Variants in NFIA observed in about 807,000 individuals in gnomAD.
The protein encoded by NFIA is nuclear factor I A.
NFIA carries 8 observed loss-of-function variants against 62.8 expected under a neutral mutation model. The ratio of observed to expected loss-of-function variants is 0.13; its 90% CI spans 0.07 to 0.23. The LOEUF (loss-of-function observed/expected upper bound fraction) is 0.23. Ranked by LOEUF, NFIA falls within the 10% of genes least tolerant of loss-of-function variation. The probability of loss-of-function intolerance (pLI) is 1.00; values close to 1 mark genes in which losing one functional copy is unlikely to be tolerated. For synonymous variants in NFIA, 235 were observed against 238.1 expected (o/e 0.99, Z 0.12); for missense variants, 410 against 642.1 (o/e 0.64, Z 3.91).
At chr1:61,087,611 G>A (rs1646241279) in intron 1 of NFIA, among the ~76,000 whole-genome samples, 1 of 152,126 alleles carries the variant, frequency 6.6e-6, no homozygotes, top group Non-Finnish European at 1.5e-5. Flanking sequence ...GAATCTACAT[G>A]CAATATTTTT....
chr1:61,417,498 A>G (rs563720259), intron 9 of NFIA, among the ~76,000 whole-genome samples: 1 of 151,564 alleles, frequency 6.6e-6, no homozygotes, highest in Admixed American at 6.6e-5. Context: ...TTTGTCCCCA[A>G]CTCTAATAAT....
At chr1:61,208,212 C>CTTGTT (rs1653022797) in intron 2 of NFIA, among the ~76,000 whole-genome samples, 1 of 151,988 alleles carries the variant, frequency 6.6e-6, no homozygotes, top group Non-Finnish European at 1.5e-5. Flanking sequence ...TGATTGAACT[C>CTTGTT]TTGTTTTTGT....
chr1:61,406,785 A>G (rs1047048466), intron 9 of NFIA, 58 bp downstream of exon 9: 6 of 1,482,804 alleles, frequency 4.0e-6, no homozygotes, highest in Non-Finnish European at 5.4e-6. Context: ...ACTGGAATCC[A>G]CACTTAGGCT....
At chr1:61,099,992 C>G (rs1466178777) in intron 2 of NFIA, among the ~76,000 whole-genome samples, 2 of 152,116 alleles carry the variant, frequency 1.3e-5, no homozygotes, top group African/African-American at 4.8e-5. Context: ...GTTTTTATCT[C>G]TAAGATGATC....
At chr1:61,301,727 T>C (rs1659505418) in intron 3 of NFIA, among the ~76,000 whole-genome samples, 1 of 152,206 alleles carries the variant, frequency 6.6e-6, no homozygotes, top group Non-Finnish European at 1.5e-5. Context: ...GCAGAGCCTT[T>C]TTTAAGAGAG....
In NFIA at chr1:61,240,507, C is replaced by T. The variant is rs184668620; in HGVS notation, c.560-37013C>T. The stretch of plus-strand genomic sequence containing the variant: ...TCATTTAGACTTTTTTTTCCACAAA[C>T]CGTACACAATGGGGTCTTTTTTTTA... On this transcript the variant is annotated intron_variant, in intron 2 of 10. Coordinates refer to ENST00000403491, the MANE Select transcript of NFIA (RefSeq NM_001134673.4). 2.2e-3 allele frequency among the ~76,000 whole-genome samples: 340 copies of T among 151,866 alleles called. 3 individuals carry two copies. The highest frequency in any genetic ancestry group is 4.0e-3 in the Non-Finnish European group (274 of 67,936).
chr1:61,131,619 C>G (rs1217237596), intron 2 of NFIA, among the ~76,000 whole-genome samples: 1 of 151,696 alleles, frequency 6.6e-6, no homozygotes. Context: ...TATTTTATCA[C>G]TAAATGCTTA....
intron 10 of NFIA, among the ~76,000 whole-genome samples, chr1:61,447,300 C>T (rs1667854846): frequency 6.6e-6 from 1 of 152,136 alleles, no homozygotes; most frequent in African/African-American, 2.4e-5. Context: ...GCTAACTTCC[C>T]ATATGGAAAA....
intron 3 of NFIA, among the ~76,000 whole-genome samples, chr1:61,280,382 TGAA>T (rs1341715277): frequency 1.3e-5 from 2 of 152,248 alleles, no homozygotes; most frequent in Non-Finnish European, 2.9e-5. Context: ...TCTTGCTGAT[TGAA>T]GAAGTAACAG....
intron 4 of NFIA, among the ~76,000 whole-genome samples, chr1:61,339,038 G>A (rs955427191): frequency 2.6e-5 from 4 of 152,166 alleles, no homozygotes; most frequent in African/African-American, 7.2e-5. Flanking sequence ...AACAGTTGCC[G>A]TGACCTTGCC....
intron 7 of NFIA, among the ~76,000 whole-genome samples, chr1:61,387,499 A>G (rs1471469253): frequency 9.2e-5 from 8 of 86,684 alleles, no homozygotes; most frequent in East Asian, 3.4e-4. Context: ...TTTGAGACGG[A>G]GTCTCGTCAA....
intron 3 of NFIA, among the ~76,000 whole-genome samples, chr1:61,291,984 A>G (rs1053307707): frequency 2.0e-5 from 3 of 152,202 alleles, no homozygotes; most frequent in African/African-American, 7.2e-5. Context: ...ACACCAGTCA[A>G]TGAAAATAGT....
At position 61,461,189 on chromosome 1, in the gene NFIA, T is replaced by C. The variant is rs1480597989; in HGVS notation, c.*5869T>C. 1 of 152,176 alleles carries C rather than the reference T, an allele frequency of 6.6e-6. No homozygotes were observed. The highest frequency in any genetic ancestry group is 1.5e-5 in the Non-Finnish European group (1 of 68,030). The allele number at this position is 152,176 out of a possible 1,614,324, so 9.4% of individuals were successfully genotyped here. A position where few individuals can be genotyped will look rare whatever the true frequency, so the allele number is the denominator to read the frequency against. On this transcript the variant is annotated 3_prime_UTR_variant, in exon 11 of 11. Coordinates refer to ENST00000403491, the MANE Select transcript of NFIA (RefSeq NM_001134673.4). ...TTTCCTTGACCCTTGACTGATGCTA[T>C]GCGGAGACTGATACATTTTCTTAAT...
chr1:61,172,799 T>TGG (rs1167081337), intron 2 of NFIA, among the ~76,000 whole-genome samples: 57 of 152,340 alleles, frequency 3.7e-4, no homozygotes, highest in Non-Finnish European at 7.8e-4. Flanking sequence ...CTGGTAAAAT[T>TGG]GTTTCAAGAA....
At position 61,169,080 on chromosome 1, in the gene NFIA, T is replaced by A. The variant is rs1570305320; in HGVS notation, c.559+80400T>A. On this transcript the variant is annotated intron_variant, in intron 2 of 10. Transcript: ENST00000403491. Reference sequence around the variant, plus strand: ...CTTGTTAAACTTAGCCTTGACTCTGTTTAAGGGGATCTTTTATTTGCAAAA... The same window carrying A: ...CTTGTTAAACTTAGCCTTGACTCTGATTAAGGGGATCTTTTATTTGCAAAA... 3.9e-5 allele frequency among the ~76,000 whole-genome samples: 6 copies of A among 152,334 alleles called. 1 individual carries two copies. The highest frequency in any genetic ancestry group is 3.9e-4 in the Admixed American group (6 of 15,306).
chr1:61,251,833 G>A (rs750743075), intron 2 of NFIA, among the ~76,000 whole-genome samples: 2 of 152,032 alleles, frequency 1.3e-5, no homozygotes, highest in Non-Finnish European at 2.9e-5. Context: ...TATAAATAGA[G>A]TTCAGAATTT....
At chr1:61,279,135 A>G (rs1248191421) in intron 3 of NFIA, among the ~76,000 whole-genome samples, 2 of 152,076 alleles carry the variant, frequency 1.3e-5, no homozygotes, top group Non-Finnish European at 2.9e-5. Flanking sequence ...TGTTCTGTAC[A>G]TTGTTCCATG....
intron 10 of NFIA, among the ~76,000 whole-genome samples, chr1:61,432,163 G>C (rs576137733): frequency 5.9e-5 from 9 of 151,638 alleles, no homozygotes; most frequent in Non-Finnish European, 1.0e-4. Context: ...TAGTTTTTCT[G>C]TCCTTGTCCT....
chr1:61,285,023 T>C (rs891005094), intron 3 of NFIA, among the ~76,000 whole-genome samples: 7 of 152,084 alleles, frequency 4.6e-5, no homozygotes, highest in Non-Finnish European at 8.8e-5. Flanking sequence ...AATATGAAAA[T>C]ATGAAGCAAT....
Sources: allele counts gnomAD v4.1 joint callset (sites outside exome capture counted in the v4.1 genomes callset), GRCh38; gene constraint gnomAD v4.1.1; transcripts MANE v1.5; gene names NCBI Gene and HGNC (gene_info 2026-07-23, HGNC 2026-07-21).